USP12: variants seen among roughly 807,000 people sequenced by gnomAD.
USP12 encodes ubiquitin specific peptidase 12.
Under a neutral mutation model 45.5 loss-of-function variants are expected in USP12, and 19 were observed. That is an observed-to-expected ratio of 0.42 (90% CI 0.29 to 0.61). The LOEUF (loss-of-function observed/expected upper bound fraction) is 0.61. USP12 is among the 20% of genes least tolerant of loss of function. USP12 has a pLI of 0.22. For synonymous variants in USP12, 149 were observed against 148.8 expected, an observed-to-expected ratio of 1.00 and a Z score of -0.01; for missense variants, 242 against 447.7, an observed-to-expected ratio of 0.54 and a Z score of 4.15.
At chr13:27,114,768 T>C (rs1226207074) in intron 2 of USP12, among the ~76,000 whole-genome samples, 1 of 127,836 alleles carries the variant, frequency 7.8e-6, no homozygotes, top group East Asian at 2.0e-4. Flanking sequence ...CTCTCCATTT[T>C]TAAAAAAAAA....
intron 1 of USP12, among the ~76,000 whole-genome samples, chr13:27,165,749 G>A (rs543635018): frequency 1.3e-5 from 2 of 152,100 alleles, no homozygotes; most frequent in Admixed American, 6.5e-5. Context: ...TGTTGGTGAC[G>A]AAAATGGTGG....
At chr13:27,133,896 T>G (rs11839385) in intron 1 of USP12, among the ~76,000 whole-genome samples, 10,981 of 152,128 alleles carry the variant, frequency 0.072, 534 homozygotes, top group African/African-American at 0.13. Context: ...CTTTGGGAGG[T>G]CAAGGCAATA....
chr13:27,092,382 T>C (rs535504030), intron 4 of USP12, among the ~76,000 whole-genome samples: 15 of 152,134 alleles, frequency 9.9e-5, no homozygotes, highest in Admixed American at 3.3e-4. Context: ...AAAGTTTACA[T>C]GGAGAGGCAA....
At chr13:27,154,235 T>C (rs1354030210) in intron 1 of USP12, among the ~76,000 whole-genome samples, 1 of 152,236 alleles carries the variant, frequency 6.6e-6, no homozygotes, top group Non-Finnish European at 1.5e-5. Context: ...AAGGTTCTGA[T>C]GTAATCTTAA....
chr13:27,148,288 G>C (rs1020746473), intron 1 of USP12, among the ~76,000 whole-genome samples: 2 of 152,026 alleles, frequency 1.3e-5, no homozygotes, highest in African/African-American at 2.4e-5. Context: ...AAGAGTACCT[G>C]TAACAGCAAT....
chr13:27,082,970 G>C (rs1210305496), intron 6 of USP12, among the ~76,000 whole-genome samples: 1 of 152,134 alleles, frequency 6.6e-6, no homozygotes, highest in African/African-American at 2.4e-5. Flanking sequence ...CGAGTTGCTG[G>C]GATTATAGGC....
intron 1 of USP12, among the ~76,000 whole-genome samples, chr13:27,133,400 A>G (rs907308262): frequency 1.3e-5 from 2 of 152,182 alleles, no homozygotes; most frequent in Admixed American, 1.3e-4. Flanking sequence ...AAATTACGTA[A>G]AAAGCTTTGC....
chr13:27,091,790 G>A (rs1377704825), intron 4 of USP12, among the ~76,000 whole-genome samples: 3 of 152,118 alleles, frequency 2.0e-5, no homozygotes, highest in Non-Finnish European at 2.9e-5. Flanking sequence ...GACTGAAAAG[G>A]AACCCTCATA....
chr13:27,097,540 A>C (rs9507841), intron 3 of USP12, among the ~76,000 whole-genome samples: 108,899 of 152,110 alleles, frequency 0.72, 41,329 homozygotes, highest in South Asian at 0.91. Context: ...GAATGAGTGA[A>C]GCTTTTTATG....
intron 2 of USP12, among the ~76,000 whole-genome samples, chr13:27,111,587 C>T (rs1875447980): frequency 1.3e-5 from 2 of 152,110 alleles, no homozygotes; most frequent in Non-Finnish European, 2.9e-5. Flanking sequence ...TCTCTAATGC[C>T]TTCTTCTCCA....
intron 2 of USP12, among the ~76,000 whole-genome samples, chr13:27,107,824 C>T (rs961244827): frequency 2.0e-5 from 3 of 152,080 alleles, no homozygotes; most frequent in African/African-American, 7.2e-5. Context: ...AAATCAAAAC[C>T]ACAATGAGAT....
At chr13:27,169,327 T>C (rs114404217) in intron 1 of USP12, among the ~76,000 whole-genome samples, 1 of 152,064 alleles carries the variant, frequency 6.6e-6, no homozygotes, top group Non-Finnish European at 1.5e-5. Context: ...ACAAGAAGGA[T>C]ACGGGGTGTG....
At chr13:27,089,442 G>GT (rs1278700930) in intron 6 of USP12, 1 of 154,108 alleles carries the variant, frequency 6.5e-6, no homozygotes, top group Non-Finnish European at 1.4e-5. Context: ...TGATGATGAT[G>GT]TTTATTATTC....
intron 1 of USP12, among the ~76,000 whole-genome samples, chr13:27,157,863 G>GT (rs1877910896): frequency 6.6e-6 from 1 of 152,102 alleles, no homozygotes; most frequent in African/African-American, 2.4e-5. Context: ...TATCAAGTTT[G>GT]TATCAGTTTA....
chr13:27,105,506 C>T (rs1271222625), intron 3 of USP12, among the ~76,000 whole-genome samples: 4 of 152,204 alleles, frequency 2.6e-5, no homozygotes, highest in Admixed American at 2.6e-4. Context: ...AGAATTTTAT[C>T]ACTGTATAAC....
chr13:27,128,515 T>C (rs570587364), intron 1 of USP12, among the ~76,000 whole-genome samples: 52 of 152,312 alleles, frequency 3.4e-4, no homozygotes, highest in African/African-American at 1.3e-3. Context: ...ACTCCGTAAC[T>C]GGCACCTTAC....
chr13:27,073,840 G>A (rs1476259411), intron 7 of USP12, among the ~76,000 whole-genome samples: 1 of 152,168 alleles, frequency 6.6e-6, no homozygotes, highest in African/African-American at 2.4e-5. Context: ...AGGAAGCTAT[G>A]CATAACGTTA....
chr13:27,090,538 T>C (rs184270973), intron 4 of USP12, among the ~76,000 whole-genome samples: 296 of 152,194 alleles, frequency 1.9e-3, no homozygotes, highest in Non-Finnish European at 2.7e-3. Flanking sequence ...GATATCTGTA[T>C]TGTCATTAAA....
chr13:27,161,909 T>A (rs9512563), intron 1 of USP12, among the ~76,000 whole-genome samples: 18,146 of 63,828 alleles, frequency 0.28, 1,457 homozygotes, highest in East Asian at 0.42. Context: ...AAAAAAAAAT[T>A]AAAAAGCCAC....
Sources: allele counts gnomAD v4.1 joint callset (sites outside exome capture counted in the v4.1 genomes callset), GRCh38; gene constraint gnomAD v4.1.1; transcripts MANE v1.5; gene names NCBI Gene and HGNC (gene_info 2026-07-23, HGNC 2026-07-21).